DMRT3: variants seen among roughly 807,000 people sequenced by gnomAD.
The protein encoded by DMRT3 is doublesex and mab-3 related transcription factor 3, also known as doublesex- and mab-3-related transcription factor 3.
Under a neutral mutation model 34.9 loss-of-function variants are expected in DMRT3, and 29 were observed. The observed-to-expected ratio is 0.83, with a 90% CI of 0.62 to 1.13. The LOEUF (loss-of-function observed/expected upper bound fraction) is 1.13. Ranked by LOEUF, DMRT3 falls within the 50% of genes most tolerant of loss-of-function variation. The pLI, the probability that DMRT3 is intolerant of heterozygous loss-of-function variation, is 0.00. For synonymous variants in DMRT3, 350 were observed against 286.0 expected, an observed-to-expected ratio of 1.22 and a Z score of -2.26; for missense variants, 772 against 629.1, an observed-to-expected ratio of 1.23 and a Z score of -2.43.
In DMRT3 at chr9:977,337, C is replaced by T. The variant is rs1586681295; in HGVS notation, c.336C>T (p.Ala112=). 4.0e-6 allele frequency: 5 copies of T among 1,264,646 alleles called. No homozygotes were observed. Among genetic ancestry groups the T allele is most frequent in the Non-Finnish European group, 5.0e-6 (5 of 1,007,720 alleles). 78.3% of individuals were successfully genotyped at this position (1,264,646 alleles called of 1,614,324 possible). ...DAVAAPQPPP[A]SQPSQPQPPR... ...TCGCCGCCCCGCAGCCGCCGCCAGCCTCTCAGCCGTCGCAGCCGCAGCCGC... is the reference window on the plus strand; with the variant it reads ...TCGCCGCCCCGCAGCCGCCGCCAGCTTCTCAGCCGTCGCAGCCGCAGCCGC... Residue 112 remains alanine (A), a synonymous_variant, in exon 1 of 2, where the codon GCC becomes GCT. Transcript: ENST00000190165.
rs765385965 is a variant in DMRT3, at chr9:990,819, C to A, written c.1233C>A (p.Phe411Leu). 1.2e-6 allele frequency: 2 copies of A among 1,614,134 alleles called. No individual in the cohort carries two copies. The highest frequency in any genetic ancestry group is 1.7e-5 in the Admixed American group (1 of 60,024). ...TGAGGTCCCAGTATGTCAGTCCTTT[C>A]CCCAGTAACTCTACCAGCGTCTTCA... ...YQLRSQYVSP[F>L]PSNSTSVFRS... The change falls in exon 2 of 2, where the codon TTC becomes TTA. Residue 411 changes from phenylalanine (F) to leucine (L), a missense_variant. Coordinates refer to ENST00000190165, the MANE Select transcript of DMRT3 (RefSeq NM_021240.4).
chr9:984,893 A>G lies in DMRT3; in HGVS notation c.455-5148A>G, dbSNP rs555999106. ...GTGAAAAACTCCCCTAAAGAAAGTT[A>G]CATTTTCAAACTGTAATTTTAGATT... is the stretch of plus-strand genomic sequence containing the variant. On this transcript the variant is annotated intron_variant, in intron 1 of 1. Coordinates refer to ENST00000190165, the MANE Select transcript of DMRT3 (RefSeq NM_021240.4). Among the ~76,000 whole-genome samples, 7 of 152,282 alleles carry G rather than the reference A, an allele frequency of 4.6e-5. No homozygotes were observed. The East Asian group carries it at 1.4e-3, about 29-fold the overall frequency.
Position 976,868 on chromosome 9 carries a change from C to A in DMRT3, c.-134C>A, listed in dbSNP as rs951647358. 1.0e-6 allele frequency: 1 copy of A among 982,064 alleles called. No individual in the cohort carries two copies. The highest frequency in any genetic ancestry group is 1.4e-6 in the Non-Finnish European group (1 of 731,476). The allele number at this position is 982,064 out of a possible 1,614,324, so 60.8% of individuals were successfully genotyped here. A position where few individuals can be genotyped will look rare whatever the true frequency, so the allele number is the denominator to read the frequency against. ...ACCTCCGGCCGCCCCGGAGCACACA[C>A]GACCACCGGGGCTGCGGGACCAAGG... On this transcript the variant is annotated 5_prime_UTR_variant, in exon 1 of 2. Transcript: ENST00000190165. The surrounding 1 kb of genome is among the most constrained non-coding windows in gnomAD (Gnocchi z 4.5).
In DMRT3 at chr9:977,221, C is replaced by T; in HGVS notation, c.220C>T (p.Leu74=). ...RQRVMAAQVA[L]RRQQANESLE... The stretch of plus-strand genomic sequence containing the variant: ...GCGGGTCATGGCTGCGCAGGTGGCG[C>T]TGCGCCGGCAGCAGGCCAACGAGAG... Residue 74 remains leucine (L), a synonymous_variant, in exon 1 of 2, where the codon CTG becomes TTG. Transcript: ENST00000190165. The T allele has an allele frequency of 6.2e-7, 1 of 1,602,556 alleles. No individual in the cohort carries two copies. Among genetic ancestry groups the T allele is most frequent in the East Asian group, 2.3e-5 (1 of 44,082 alleles).
In DMRT3 at chr9:990,580, T is replaced by A. The variant is rs765744578; in HGVS notation, c.994T>A (p.Ser332Thr). Residue 332 changes from serine (S) to threonine (T), a missense_variant, in exon 2 of 2, where the codon TCA becomes ACA. By Grantham distance (58) the Ser-to-Thr change is moderately conservative (BLOSUM62 1). Coordinates refer to ENST00000190165, the MANE Select transcript of DMRT3 (RefSeq NM_021240.4). ...CTCGTCTTCCAAATGGTCTGTGGGA[T>A]CAGCCTTTCGAGTCCCAGACACGTT... ...PISSSKWSVG[S>T]AFRVPDTLRF... The A allele has an allele frequency of 6.2e-7, 1 of 1,614,024 alleles. No individual in the cohort carries two copies. The highest frequency in any genetic ancestry group is 2.2e-5 in the East Asian group (1 of 44,870).
At chr9:981,684 A>T (rs1385180539) in intron 1 of DMRT3, among the ~76,000 whole-genome samples, 1 of 152,174 alleles carries the variant, frequency 6.6e-6, no homozygotes, top group East Asian at 1.9e-4. Context: ...CAGCTGGCCC[A>T]GGACTGGGAC....
In DMRT3 at chr9:990,375, G is replaced by A. The variant is rs564193889; in HGVS notation, c.789G>A (p.Lys263=). The A allele has an allele frequency of 6.2e-7, 1 of 1,613,992 alleles. No individual in the cohort carries two copies. The highest frequency in any genetic ancestry group is 1.3e-5 in the African/African-American group (1 of 74,998). The part of the protein sequence containing the change: ...EVLKKIFPNQ[K]PTVLELILKG... The stretch of plus-strand genomic sequence containing the variant: ...TAAAAAAGATATTCCCCAACCAGAA[G>A]CCAACGGTGCTTGAGCTCATCCTCA... The change falls in exon 2 of 2, where the codon AAG becomes AAA. Residue 263 remains lysine, a synonymous_variant. Coordinates refer to ENST00000190165, the MANE Select transcript of DMRT3 (RefSeq NM_021240.4).
chr9:979,893 GC>G (rs1820196408), intron 1 of DMRT3, among the ~76,000 whole-genome samples: 2 of 152,210 alleles, frequency 1.3e-5, no homozygotes, highest in Non-Finnish European at 2.9e-5. Flanking sequence ...CAGAGAGTAA[GC>G]AAAACTAAGT....
At position 990,429 on chromosome 9, in the gene DMRT3, C is replaced by A; in HGVS notation, c.843C>A (p.Ala281=). 5.0e-6 allele frequency: 8 copies of A among 1,614,112 alleles called. No individual in the cohort carries two copies. The highest frequency in any genetic ancestry group is 6.8e-6 in the Non-Finnish European group (8 of 1,180,032). The change falls in exon 2 of 2, where the codon GCC becomes GCA. Residue 281 remains alanine (A), a synonymous_variant. Transcript: ENST00000190165. ...LKGCGGDLVS[A]VEVLLSSRSS... is the part of the protein sequence containing the mutation. ...GCTGTGGCGGGGACCTGGTGAGCGC[C>A]GTGGAAGTCCTTCTGTCCAGCCGAT...
intron 1 of DMRT3, among the ~76,000 whole-genome samples, chr9:986,030 C>T (rs917924936): frequency 1.3e-5 from 2 of 152,174 alleles, no homozygotes; most frequent in African/African-American, 2.4e-5. Context: ...CAGAGACCTG[C>T]GGAGAGAGCA....
At position 990,916 on chromosome 9, in the gene DMRT3, T is replaced by C; in HGVS notation, c.1330T>C (p.Phe444Leu). Residue 444 changes from phenylalanine (F) to leucine (L), a missense_variant, in exon 2 of 2, where the codon TTT becomes CTT. Transcript: ENST00000190165. ...TTCCATCCCTGATGATGGGTGTCCA[T>C]TTGTGTCAAAGCAGTCCATTTACAC... ...RISIPDDGCP[F>L]VSKQSIYTED... 6.2e-7 allele frequency: 1 copy of C among 1,614,132 alleles called. No homozygotes were observed. The highest frequency in any genetic ancestry group is 8.5e-7 in the Non-Finnish European group (1 of 1,180,036).
rs1366795192 is a variant in DMRT3 at position 990,674 on chromosome 9, C to T, written c.1088C>T (p.Pro363Leu). 8.7e-6 allele frequency: 14 copies of T among 1,614,146 alleles called. No individual in the cohort carries two copies. The highest frequency in any genetic ancestry group is 1.1e-5 in the South Asian group (1 of 91,072). Reference sequence around the variant, plus strand: ...GCTGGGCCTCTGCAGCCCCCTTTCCCCCAGCCACCCCGGTACCCGCTGATG... The same window carrying T: ...GCTGGGCCTCTGCAGCCCCCTTTCCTCCAGCCACCCCGGTACCCGCTGATG... ...PLAGPLQPPF[P>L]QPPRYPLMLR... Residue 363 changes from proline (P) to leucine (L), a missense_variant, in exon 2 of 2, where the codon CCC becomes CTC. Physicochemically the swap from Pro to Leu is moderately conservative, Grantham distance 98. Transcript: ENST00000190165.
In DMRT3 at chr9:977,063, C is replaced by A. The variant is rs1193555657; in HGVS notation, c.62C>A (p.Ala21Glu). ...MGGPVSQPPRAPLQRTPKCAR... is the reference protein window; with the variant it reads ...MGGPVSQPPREPLQRTPKCAR... The stretch of plus-strand genomic sequence containing the variant: ...GGCCCGGTGTCGCAGCCGCCACGGG[C>A]GCCCCTGCAGCGCACGCCCAAGTGC... Residue 21 changes from alanine (A) to glutamate (E), a missense_variant, in exon 1 of 2, where the codon GCG becomes GAG. Coordinates refer to ENST00000190165, the MANE Select transcript of DMRT3 (RefSeq NM_021240.4). 1.9e-6 allele frequency: 3 copies of A among 1,579,128 alleles called. No individual in the cohort carries two copies. Among genetic ancestry groups the A allele is most frequent in the African/African-American group, 2.7e-5 (2 of 73,688 alleles).
At chr9:983,635 G>A (rs1563688424) in intron 1 of DMRT3, among the ~76,000 whole-genome samples, 2 of 152,098 alleles carry the variant, frequency 1.3e-5, no homozygotes, top group Non-Finnish European at 2.9e-5. Flanking sequence ...GAGTTAGACA[G>A]GTGCATTTTG....
intron 1 of DMRT3, among the ~76,000 whole-genome samples, chr9:989,119 T>C (rs1480389681): frequency 6.6e-6 from 1 of 152,170 alleles, no homozygotes; most frequent in African/African-American, 2.4e-5. Context: ...TCATATAATA[T>C]AAAAAGGTAT....
At chr9:978,930 G>C (rs1232297767) in intron 1 of DMRT3, among the ~76,000 whole-genome samples, 1 of 152,190 alleles carries the variant, frequency 6.6e-6, no homozygotes, top group Non-Finnish European at 1.5e-5. Context: ...GGAGAAAAAG[G>C]TTTTATTATT....
chr9:977,408 C>T lies in DMRT3; in HGVS notation c.407C>T (p.Thr136Ile), dbSNP rs749993647. 1 of 1,259,558 alleles carries T rather than the reference C, an allele frequency of 7.9e-7. No homozygotes were observed. The highest frequency in any genetic ancestry group is 9.9e-7 in the Non-Finnish European group (1 of 1,005,220). The allele number at this position is 1,259,558 out of a possible 1,614,324, so 78.0% of individuals were successfully genotyped here. ...GCCGCGGCCGCCGCGCTGCGTTGGACTGCCGAGCCGCAGCCCGGGGCTCTG... is the reference window on the plus strand; with the variant it reads ...GCCGCGGCCGCCGCGCTGCGTTGGATTGCCGAGCCGCAGCCCGGGGCTCTG... ...ELAAAAALRW[T>I]AEPQPGALQA... is the part of the protein sequence containing the mutation. The change falls in exon 1 of 2, where the codon ACT (threonine) becomes ATT (isoleucine). Residue 136 changes from threonine (T) to isoleucine (I), a missense_variant. Transcript: ENST00000190165.
chr9:985,779 C>G (rs12350272), intron 1 of DMRT3, among the ~76,000 whole-genome samples: 4,096 of 152,250 alleles, frequency 0.027, 191 homozygotes, highest in African/African-American at 0.093. Context: ...ACTCCAACAG[C>G]CTTACATGTT....
In DMRT3 at chr9:976,769, G is replaced by A. The variant is rs1820151976; in HGVS notation, c.-233G>A. Among the ~76,000 whole-genome samples, 1 of 152,170 alleles carries A rather than the reference G, an allele frequency of 6.6e-6. No individual in the cohort carries two copies. The highest frequency in any genetic ancestry group is 1.5e-5 in the Non-Finnish European group (1 of 68,010). On this transcript the variant is annotated 5_prime_UTR_variant, in exon 1 of 2. Coordinates refer to ENST00000190165, the MANE Select transcript of DMRT3 (RefSeq NM_021240.4). The surrounding 1 kb of genome is among the most constrained non-coding windows in gnomAD (Gnocchi z 4.5). ...GGCTGCGCGCCCAAGGCAGAGGCCC[G>A]CGTCGGCGTTGGCTGGGCGTGAGCT...
Sources: gnomAD v4.1 joint callset for allele counts (sites outside exome capture counted in the v4.1 genomes callset) on GRCh38, gnomAD v4.1.1 for gene constraint, Gnocchi (gnomAD v3.1) non-coding constraint, MANE v1.5 for transcripts, NCBI Gene and HGNC (gene_info 2026-07-23, HGNC 2026-07-21) for gene names.